Variants in TRIP12 observed in about 807,000 individuals in gnomAD.
TRIP12 encodes the protein thyroid hormone receptor interactor 12.
A neutral mutation model predicts 244.2 loss-of-function variants in TRIP12; 25 were observed. The observed-to-expected ratio is 0.10, with a 90% CI of 0.07 to 0.14. The LOEUF (loss-of-function observed/expected upper bound fraction) is 0.14. Ranked by LOEUF, TRIP12 falls within the 10% of genes least tolerant of loss-of-function variation. The pLI is 1.00. For synonymous variants in TRIP12, 905 were observed against 873.1 expected (o/e 1.04, Z -0.64); for missense variants, 1,677 against 2,486.4 (o/e 0.67, Z 6.92).
chr2:229,871,284 C>T (rs183621993), intron 2 of TRIP12, among the ~76,000 whole-genome samples: 1 of 152,038 alleles, frequency 6.6e-6, no homozygotes, highest in African/African-American at 2.4e-5. Context: ...TGGTTTCTTC[C>T]CAATTTTCTT....
chr2:229,793,139 AGAAAAGCTCAAGAT>A lies in TRIP12; in HGVS notation c.3969-8_3974del. 6.2e-7 allele frequency: 1 copy of A among 1,610,204 alleles called. No individual in the cohort carries two copies. Among genetic ancestry groups the A allele is most frequent in the Non-Finnish European group, 8.5e-7 (1 of 1,178,684 alleles). On this transcript the variant is annotated splice_acceptor_variant and splice_polypyrimidine_tract_variant and coding_sequence_variant and intron_variant, in exon 27 of 42. Transcript: ENST00000675903. LOFTEE classifies it high-confidence loss of function. ...TTAAAGCCTGTGATCCTCTGTTGAG[AGAAAAGCTCAAGAT>A]AATTTGTGAAAAAAAAGTTAGTCTA...
Position 229,813,992 on chromosome 2 carries a change from T to C in TRIP12, c.1864A>G (p.Ser622Gly), listed in dbSNP as rs893810730. The change falls in exon 13 of 42, where the codon AGC becomes GGC. Residue 622 changes from serine to glycine, a missense_variant. Coordinates refer to ENST00000675903, the MANE Select transcript of TRIP12 (RefSeq NM_001348323.3). ...AATGCATTTCTTTGGGCATTTATGCTGAAGAATTCTAGGTACAGCAAGCAG... is the reference window on the plus strand; with the variant it reads ...AATGCATTTCTTTGGGCATTTATGCCGAAGAATTCTAGGTACAGCAAGCAG... ...ADCLLYLEFF[S>G]INAQRNALAI... is the part of the protein sequence containing the mutation. 3 of 1,589,244 alleles carry C rather than the reference T, an allele frequency of 1.9e-6. No individual in the cohort carries two copies. Among genetic ancestry groups the C allele is most frequent in the African/African-American group, 1.3e-5 (1 of 74,586 alleles).
chr2:229,819,998 G>A (rs2049611285), intron 8 of TRIP12, among the ~76,000 whole-genome samples: 2 of 152,142 alleles, frequency 1.3e-5, no homozygotes, highest in South Asian at 4.1e-4. Context: ...CAGAAGAAAA[G>A]TTCAGGGAAA....
At chr2:229,798,597 A>G (rs1413004626) in intron 23 of TRIP12, among the ~76,000 whole-genome samples, 1 of 152,322 alleles carries the variant, frequency 6.6e-6, no homozygotes, top group East Asian at 1.9e-4. Context: ...AAAACTGAGG[A>G]AGAGGTTCCC....
At chr2:229,807,512 C>A in intron 17 of TRIP12, 196 bp downstream of exon 17, 2 of 634,018 alleles carry the variant, frequency 3.2e-6, no homozygotes, top group South Asian at 1.9e-5. Context: ...TAGTTAGCAG[C>A]AGAAGCAGGA....
chr2:229,917,371 ACT>A (rs1315081817), intron 1 of TRIP12, among the ~76,000 whole-genome samples: 3 of 119,974 alleles, frequency 2.5e-5, no homozygotes, highest in Non-Finnish European at 5.0e-5. Context: ...ACAGAGCGAG[ACT>A]CTGTCTCAAA....
chr2:229,788,320 T>C (rs950180809), intron 32 of TRIP12, among the ~76,000 whole-genome samples: 1 of 152,204 alleles, frequency 6.6e-6, no homozygotes, highest in African/African-American at 2.4e-5. Flanking sequence ...CATGAGGCAC[T>C]TGAATCATCC....
At chr2:229,818,815 C>T (rs1242703073) in intron 8 of TRIP12, among the ~76,000 whole-genome samples, 1 of 152,120 alleles carries the variant, frequency 6.6e-6, no homozygotes, top group Non-Finnish European at 1.5e-5. Flanking sequence ...ATAGCTTTAA[C>T]ATTATCTGTT....
At chr2:229,850,309 C>T (rs1335364406) in intron 4 of TRIP12, among the ~76,000 whole-genome samples, 1 of 151,978 alleles carries the variant, frequency 6.6e-6, no homozygotes, top group African/African-American at 2.4e-5. Flanking sequence ...TTTTTAAAGC[C>T]TCAAAAACAC....
At chr2:229,889,167 T>G (rs1350509312) in intron 1 of TRIP12, among the ~76,000 whole-genome samples, 1 of 152,172 alleles carries the variant, frequency 6.6e-6, no homozygotes, top group Non-Finnish European at 1.5e-5. Flanking sequence ...CTCTGAGGCA[T>G]GAGAAGATGA....
At chr2:229,920,525 A>C (rs2076304349) in intron 1 of TRIP12, among the ~76,000 whole-genome samples, 1 of 151,886 alleles carries the variant, frequency 6.6e-6, no homozygotes, top group South Asian at 2.1e-4. Flanking sequence ...CAATTAACTA[A>C]AGAAGCAATT....
chr2:229,843,611 GCTCA>G (rs1202096165), intron 4 of TRIP12, among the ~76,000 whole-genome samples: 9 of 152,194 alleles, frequency 5.9e-5, no homozygotes. Context: ...GGATATAGTG[GCTCA>G]TGCCTGAAAT....
intron 34 of TRIP12, 88 bp from the exon 35 acceptor site, chr2:229,779,078 C>T: frequency 9.7e-7 from 1 of 1,034,174 alleles, no homozygotes. Flanking sequence ...ACACTAACAG[C>T]AACTGTTTAC....
At chr2:229,796,364 T>C (rs193204619) in intron 25 of TRIP12, among the ~76,000 whole-genome samples, 1 of 152,344 alleles carries the variant, frequency 6.6e-6, no homozygotes. Flanking sequence ...AGACTCAAGA[T>C]ACTTCAATCA....
At chr2:229,864,047 A>AGAGAGAGAGAGAGAGTGAGTGT in intron 2 of TRIP12, among the ~76,000 whole-genome samples, 8 of 79,304 alleles carry the variant, frequency 1.0e-4, no homozygotes, top group East Asian at 8.7e-4. Flanking sequence ...AGAGAGAGAG[A>AGAGAGAGAGAGAGAGTGAGTGT]GTGTGTGTGT....
intron 31 of TRIP12, 125 bp downstream of exon 31, chr2:229,789,486 G>A (rs1466598362): frequency 1.7e-6 from 2 of 1,143,746 alleles, no homozygotes; most frequent in African/African-American, 3.1e-5. Flanking sequence ...CCACTGATGA[G>A]TACATTGTAC....
intron 27 of TRIP12, 148 bp from the exon 28 acceptor site, chr2:229,792,374 T>C (rs1575065228): frequency 5.1e-6 from 4 of 789,080 alleles, no homozygotes; most frequent in South Asian, 3.6e-5. Context: ...AGAAGTGTTT[T>C]AGATTTCAAA....
At chr2:229,851,465 C>T (rs530898217) in intron 4 of TRIP12, among the ~76,000 whole-genome samples, 33 of 152,220 alleles carry the variant, frequency 2.2e-4, no homozygotes, top group Non-Finnish European at 2.9e-4. Flanking sequence ...ACAGACCACT[C>T]GGCTCTACCA....
At chr2:229,858,366 A>C (rs947955955) in intron 4 of TRIP12, among the ~76,000 whole-genome samples, 1 of 152,216 alleles carries the variant, frequency 6.6e-6, no homozygotes, top group African/African-American at 2.4e-5. Context: ...CCATCTAAAA[A>C]AACATATATA....
Sources: gnomAD v4.1 joint callset for allele counts (sites outside exome capture counted in the v4.1 genomes callset) on GRCh38, gnomAD v4.1.1 for gene constraint, MANE v1.5 for transcripts, NCBI Gene and HGNC (gene_info 2026-07-23, HGNC 2026-07-21) for gene names.